Variants in DTNA observed in about 807,000 individuals in gnomAD.
DTNA encodes the protein dystrophin-related protein 3.
In DTNA, 43 loss-of-function variants were observed where a neutral mutation model predicts 100.7. The ratio of observed to expected loss-of-function variants is 0.43; its 90% CI spans 0.33 to 0.55. The LOEUF is 0.55. Ranked by LOEUF, DTNA falls within the 20% of genes least tolerant of loss-of-function variation. The pLI, the probability that DTNA is intolerant of heterozygous loss-of-function variation, is 0.04. For synonymous variants in DTNA, 349 were observed against 347.9 expected, an observed-to-expected ratio of 1.00 and a Z score of -0.04; for missense variants, 798 against 953.9, an observed-to-expected ratio of 0.84 and a Z score of 2.15.
At chr18:34,711,918 C>T (rs1422221801) in intron 1 of DTNA, among the ~76,000 whole-genome samples, 1 of 152,038 alleles carries the variant, frequency 6.6e-6, no homozygotes, top group Admixed American at 6.6e-5. Context: ...GAATTTATTC[C>T]TTTCTTTTTC....
chr18:34,856,554 G>A (rs2096554944), intron 15 of DTNA, among the ~76,000 whole-genome samples: 1 of 152,166 alleles, frequency 6.6e-6, no homozygotes, highest in Admixed American at 6.5e-5. Context: ...ACCTAGCAAA[G>A]CAAGTACCAG....
chr18:34,836,098 T>G (rs1017961952), intron 11 of DTNA, among the ~76,000 whole-genome samples: 1 of 152,216 alleles, frequency 6.6e-6, no homozygotes, highest in Admixed American at 6.5e-5. Flanking sequence ...CTGTAGGTAC[T>G]GCATAATGAA....
chr18:34,536,467 G>A (rs1252349756), intron 1 of DTNA, among the ~76,000 whole-genome samples: 2 of 151,852 alleles, frequency 1.3e-5, no homozygotes, highest in East Asian at 3.9e-4. Flanking sequence ...AGTCTGATCT[G>A]GGAAAAGTGA....
At chr18:34,611,841 G>A (rs1224814934) in intron 1 of DTNA, among the ~76,000 whole-genome samples, 1 of 152,202 alleles carries the variant, frequency 6.6e-6, no homozygotes, top group East Asian at 1.9e-4. Context: ...GCAGTTTCCA[G>A]AAGACTCCGC....
At chr18:34,652,084 AAGG>A (rs760871434) in intron 1 of DTNA, among the ~76,000 whole-genome samples, 2 of 150,876 alleles carry the variant, frequency 1.3e-5, no homozygotes, top group Non-Finnish European at 1.5e-5. Flanking sequence ...GAAAAGAAAA[AAGG>A]AAGGAAGGAA....
chr18:34,831,490 G>A (rs547747966), intron 11 of DTNA, among the ~76,000 whole-genome samples: 6 of 152,326 alleles, frequency 3.9e-5, no homozygotes, highest in East Asian at 1.9e-4. Context: ...TTAGATGGCC[G>A]GGCAAGGTGG....
At chr18:34,702,991 ATTGT>A (rs567648812) in intron 1 of DTNA, among the ~76,000 whole-genome samples, 399 of 152,304 alleles carry the variant, frequency 2.6e-3, no homozygotes, top group Non-Finnish European at 3.9e-3. Flanking sequence ...GCTAACTTTT[ATTGT>A]TTAATTGGTC....
intron 3 of DTNA, among the ~76,000 whole-genome samples, chr18:34,781,352 A>G (rs2094312271): frequency 6.6e-6 from 1 of 152,200 alleles, no homozygotes; most frequent in Non-Finnish European, 1.5e-5. Flanking sequence ...AGGCTAATTG[A>G]CATATACATC....
intron 1 of DTNA, among the ~76,000 whole-genome samples, chr18:34,659,791 G>C (rs1000055316): frequency 2.0e-5 from 3 of 152,154 alleles, no homozygotes; most frequent in South Asian, 2.1e-4. Context: ...ACCGGTGACC[G>C]TATTTAGTGC....
chr18:34,552,978 G>C (rs1208599154), intron 1 of DTNA, among the ~76,000 whole-genome samples: 1 of 149,966 alleles, frequency 6.7e-6, no homozygotes, highest in East Asian at 2.0e-4. Context: ...GGTTGAACTA[G>C]TTTACAGTCC....
chr18:34,547,339 G>A (rs567836092), intron 1 of DTNA, among the ~76,000 whole-genome samples: 103 of 151,980 alleles, frequency 6.8e-4, no homozygotes, highest in African/African-American at 2.4e-3. Flanking sequence ...TGTCAGCTTC[G>A]TGCCTTCATT....
intron 1 of DTNA, among the ~76,000 whole-genome samples, chr18:34,720,455 G>A (rs2085048817): frequency 6.6e-6 from 1 of 152,194 alleles, no homozygotes; most frequent in Non-Finnish European, 1.5e-5. Flanking sequence ...TTAAGACACA[G>A]GTAAGGCAGA....
At chr18:34,861,563 A>G (rs1363452297) in intron 16 of DTNA, among the ~76,000 whole-genome samples, 1 of 151,444 alleles carries the variant, frequency 6.6e-6, no homozygotes, top group African/African-American at 2.4e-5. Context: ...CTGACAGACT[A>G]TCAGAATAAA....
chr18:34,867,583 A>G, intron 17 of DTNA: 1 of 1,058,538 alleles, frequency 9.4e-7, no homozygotes, highest in East Asian at 6.7e-5. Context: ...TGTGCATAGA[A>G]AAAGGAAATA....
chr18:34,826,436 T>C (rs2095859933), intron 9 of DTNA, among the ~76,000 whole-genome samples: 1 of 152,108 alleles, frequency 6.6e-6, no homozygotes, highest in African/African-American at 2.4e-5. Context: ...TTTTAAAGCC[T>C]GCAGAGCTTC....
At chr18:34,532,602 G>A (rs1048895203) in intron 1 of DTNA, among the ~76,000 whole-genome samples, 2 of 151,888 alleles carry the variant, frequency 1.3e-5, no homozygotes, top group African/African-American at 2.4e-5. Context: ...TCCCTAGTCC[G>A]TGCTACTGCC....
chr18:34,518,822 G>A (rs1317594839), intron 1 of DTNA, among the ~76,000 whole-genome samples: 1 of 151,016 alleles, frequency 6.6e-6, no homozygotes, highest in Non-Finnish European at 1.5e-5. Flanking sequence ...AATATCTCCT[G>A]GTATAGTGGG....
intron 20 of DTNA, among the ~76,000 whole-genome samples, chr18:34,881,772 T>A (rs1026383117): frequency 6.6e-6 from 1 of 152,176 alleles, no homozygotes; most frequent in African/African-American, 2.4e-5. Flanking sequence ...TGCCATTTTT[T>A]AAATTATAGA....
At chr18:34,658,803 A>G (rs1237224998) in intron 1 of DTNA, among the ~76,000 whole-genome samples, 1 of 152,204 alleles carries the variant, frequency 6.6e-6, no homozygotes, top group Non-Finnish European at 1.5e-5. Context: ...TACAGTGCTC[A>G]TTTTGTTCTT....
Sources: gnomAD v4.1 joint callset for allele counts (sites outside exome capture counted in the v4.1 genomes callset) on GRCh38, gnomAD v4.1.1 for gene constraint, MANE v1.5 for transcripts, NCBI Gene and HGNC (gene_info 2026-07-23, HGNC 2026-07-21) for gene names.